The following LRP1B variants were observed in gnomAD, a reference collection of about 807,000 sequenced individuals.
The protein encoded by LRP1B is LDL receptor related protein 1B.
Under a neutral mutation model 556.6 loss-of-function variants are expected in LRP1B, and 217 were observed. That is an observed-to-expected ratio of 0.39 (90% CI 0.35 to 0.44). LRP1B has a LOEUF of 0.44. LRP1B is among the 20% of genes least tolerant of loss of function. The pLI, the probability that LRP1B is intolerant of heterozygous loss-of-function variation, is 1.00. For missense variants in LRP1B, 5,053 were observed against 5,620.8 expected, an observed-to-expected ratio of 0.90 and a Z score of 3.23; for synonymous variants, 2,047 against 1,865.8, an observed-to-expected ratio of 1.10 and a Z score of -2.50.
intron 2 of LRP1B, among the ~76,000 whole-genome samples, chr2:141,796,487 T>A (rs1429605913): frequency 2.0e-5 from 3 of 151,652 alleles, no homozygotes; most frequent in Non-Finnish European, 4.4e-5. Context: ...CAGGCTCTTT[T>A]AAAAAAAACT....
intron 1 of LRP1B, among the ~76,000 whole-genome samples, chr2:141,850,241 C>G (rs1229939842): frequency 6.6e-6 from 1 of 151,492 alleles, no homozygotes; most frequent in African/African-American, 2.4e-5. Context: ...TTTTTTCCCC[C>G]ATGGTCCCTA....
At chr2:141,918,517 T>A (rs1212465653) in intron 1 of LRP1B, among the ~76,000 whole-genome samples, 1 of 152,054 alleles carries the variant, frequency 6.6e-6, no homozygotes, top group Non-Finnish European at 1.5e-5. Flanking sequence ...AACCTTCAAA[T>A]GTTTGGGAGC....
chr2:140,382,178 A>G (rs955122487), intron 67 of LRP1B, among the ~76,000 whole-genome samples: 1 of 152,202 alleles, frequency 6.6e-6, no homozygotes. Flanking sequence ...TTTTTAGAAT[A>G]CAATTAGTAT....
intron 2 of LRP1B, among the ~76,000 whole-genome samples, chr2:141,572,027 A>C (rs946022805): frequency 6.6e-6 from 1 of 152,160 alleles, no homozygotes; most frequent in South Asian, 2.1e-4. Flanking sequence ...ATCCAGGAGA[A>C]TTTCCCCAAT....
chr2:141,161,728 A>G (rs1680042183), intron 7 of LRP1B, among the ~76,000 whole-genome samples: 1 of 152,124 alleles, frequency 6.6e-6, no homozygotes, highest in Admixed American at 6.6e-5. Context: ...CCTTTAGGGC[A>G]AAGTTGTGCT....
chr2:140,424,526 G>C (rs1378569918), intron 66 of LRP1B, among the ~76,000 whole-genome samples: 1 of 152,166 alleles, frequency 6.6e-6, no homozygotes, highest in African/African-American at 2.4e-5. Context: ...CTGAAGAAAA[G>C]TTACAGACAT....
rs1435801100 is a variant in LRP1B, at chr2:141,488,674, T to C, written c.206-8141A>G. On this transcript the variant is annotated intron_variant, in intron 2 of 90. Transcript: ENST00000389484. ...CAGGGTCTCACCATGTTGCCCAGGC[T>C]GGTCTCAAACTCCTAGGCTTCAGCA... Among the ~76,000 whole-genome samples, 9 of 152,024 alleles carry C rather than the reference T, an allele frequency of 5.9e-5. No homozygotes were observed. In the East Asian group the frequency reaches 1.7e-3, roughly 29 times the overall value.
intron 3 of LRP1B, among the ~76,000 whole-genome samples, chr2:141,403,009 TG>T (rs1690501899): frequency 6.6e-6 from 1 of 152,108 alleles, no homozygotes; most frequent in Non-Finnish European, 1.5e-5. Flanking sequence ...AACTTTTTCT[TG>T]GTATGAAGAC....
At chr2:141,497,628 G>T (rs1231619372) in intron 2 of LRP1B, among the ~76,000 whole-genome samples, 2 of 151,904 alleles carry the variant, frequency 1.3e-5, no homozygotes, top group African/African-American at 4.8e-5. Context: ...TTTGCTGTTT[G>T]GCCAAACTTC....
intron 2 of LRP1B, among the ~76,000 whole-genome samples, chr2:141,512,225 A>G (rs1027332942): frequency 6.6e-6 from 1 of 152,140 alleles, no homozygotes; most frequent in African/African-American, 2.4e-5. Flanking sequence ...TATGAACTGC[A>G]CTAAGTACTT....
intron 1 of LRP1B, among the ~76,000 whole-genome samples, chr2:141,897,167 A>T (rs930488883): frequency 1.7e-4 from 26 of 152,298 alleles, no homozygotes; most frequent in African/African-American, 5.8e-4. Flanking sequence ...AGTCCAAAAC[A>T]TTCAGTCTAA....
chr2:140,723,799 T>C (rs1687497595), intron 35 of LRP1B, among the ~76,000 whole-genome samples: 1 of 152,328 alleles, frequency 6.6e-6, no homozygotes, highest in Admixed American at 6.5e-5. Context: ...TAGCAAAAAG[T>C]ATATTAGCAT....
intron 2 of LRP1B, among the ~76,000 whole-genome samples, chr2:141,511,371 G>C (rs1684125766): frequency 1.3e-5 from 2 of 152,028 alleles, no homozygotes; most frequent in African/African-American, 4.8e-5. Flanking sequence ...AACCGGTGAA[G>C]GATTTTCACT....
intron 35 of LRP1B, among the ~76,000 whole-genome samples, chr2:140,739,749 T>G (rs988580678): frequency 6.6e-6 from 1 of 152,118 alleles, no homozygotes; most frequent in African/African-American, 2.4e-5. Flanking sequence ...ATTCTCCCCA[T>G]TCTCAGAAAA....
intron 22 of LRP1B, among the ~76,000 whole-genome samples, chr2:140,906,471 TGAAAGATGG>T (rs1351120657): frequency 1.3e-5 from 2 of 152,074 alleles, no homozygotes; most frequent in Non-Finnish European, 2.9e-5. Flanking sequence ...TCATTTAACT[TGAAAGATGG>T]GGAAGAGGGA....
At chr2:141,197,570 A>C (rs565509686) in intron 6 of LRP1B, among the ~76,000 whole-genome samples, 7 of 152,054 alleles carry the variant, frequency 4.6e-5, no homozygotes. Flanking sequence ...GCAGTGTTTC[A>C]TGGAAGGTCA....
At chr2:141,133,193 T>C (rs894856827) in intron 7 of LRP1B, among the ~76,000 whole-genome samples, 2 of 151,810 alleles carry the variant, frequency 1.3e-5, no homozygotes, top group African/African-American at 4.8e-5. Flanking sequence ...GAAAAACCTA[T>C]TTTTTCAAAT....
intron 3 of LRP1B, among the ~76,000 whole-genome samples, chr2:141,371,630 G>A (rs1305598698): frequency 6.6e-6 from 1 of 151,590 alleles, no homozygotes; most frequent in African/African-American, 2.4e-5. Context: ...TTTTAATATT[G>A]TAAATGAGAT....
intron 31 of LRP1B, among the ~76,000 whole-genome samples, chr2:140,818,207 T>C (rs748777269): frequency 3.3e-5 from 5 of 152,164 alleles, no homozygotes; most frequent in Non-Finnish European, 7.3e-5. Context: ...AGACACACTA[T>C]GAATATTAAA....
Sources: gnomAD v4.1 joint callset for allele counts (sites outside exome capture counted in the v4.1 genomes callset) on GRCh38, gnomAD v4.1.1 for gene constraint, MANE v1.5 for transcripts, NCBI Gene and HGNC (gene_info 2026-07-23, HGNC 2026-07-21) for gene names.